Variants in ANXA6 observed in about 807,000 individuals in gnomAD.
ANXA6 encodes the protein 67 kDa calelectrin.
ANXA6 carries 71 observed loss-of-function variants against 95.4 expected under a neutral mutation model. That is an observed-to-expected ratio of 0.74 (90% CI 0.61 to 0.91). The LOEUF (loss-of-function observed/expected upper bound fraction) is 0.91, where lower values mean the gene tolerates loss of function less well. Among genes scored for constraint, ANXA6 ranks in the 40% least tolerant of loss-of-function variants. The pLI is 0.00. For missense variants in ANXA6, 830 were observed against 876.4 expected (o/e 0.95, Z 0.67); for synonymous variants, 289 against 315.9 (o/e 0.91, Z 0.90).
At chr5:151,120,534 T>A (rs2113913710) in intron 17 of ANXA6, among the ~76,000 whole-genome samples, 1 of 151,402 alleles carries the variant, frequency 6.6e-6, no homozygotes, top group Middle Eastern at 3.4e-3. Context: ...CTGGCAAACA[T>A]GGTGAAACCC....
At chr5:151,154,313 ATATATATATATATATATATT>A (rs1766180457) in intron 1 of ANXA6, among the ~76,000 whole-genome samples, 1 of 64,966 alleles carries the variant, frequency 1.5e-5, no homozygotes, top group African/African-American at 4.2e-5. Flanking sequence ...ATATATATAT[ATATATATATATATATATATT>A]GATCCCATAC....
At chr5:151,123,971 G>A (rs3792773) in intron 15 of ANXA6, among the ~76,000 whole-genome samples, 7,539 of 152,188 alleles carry the variant, frequency 0.05, 339 homozygotes, top group South Asian at 0.18. Context: ...AGAGTCACAC[G>A]GTGAGTCAGC....
chr5:151,125,681 G>A (rs945982452), intron 14 of ANXA6, among the ~76,000 whole-genome samples: 2 of 152,244 alleles, frequency 1.3e-5, no homozygotes, highest in East Asian at 1.9e-4. Context: ...GGAGTTCAGC[G>A]TTATTCAACC....
intron 1 of ANXA6, chr5:151,155,222 G>A (rs536648796): frequency 6.6e-6 from 1 of 152,262 alleles, no homozygotes; most frequent in African/African-American, 2.4e-5. Flanking sequence ...TTAAGGGTTC[G>A]AGAGGTAATA....
At chr5:151,122,587 C>T (rs1765200082) in intron 16 of ANXA6, among the ~76,000 whole-genome samples, 1 of 152,204 alleles carries the variant, frequency 6.6e-6, no homozygotes, top group African/African-American at 2.4e-5. Context: ...TCAGTTGGGG[C>T]CTTGAAGCCA....
chr5:151,151,766 A>C (rs1184405736), intron 1 of ANXA6, among the ~76,000 whole-genome samples: 1 of 152,188 alleles, frequency 6.6e-6, no homozygotes, highest in Non-Finnish European at 1.5e-5. Flanking sequence ...CCACCCGCCA[A>C]TATGCAACAT....
rs968915227 is a variant in ANXA6, at chr5:151,126,415, A to G, written c.1043T>C (p.Val348Ala). The G allele has an allele frequency of 3.7e-6, 6 of 1,609,930 alleles. No homozygotes were observed. Among genetic ancestry groups the G allele is most frequent in the Non-Finnish European group, 4.2e-6 (5 of 1,178,180 alleles). The part of the protein sequence containing the change: ...VAYQMWELSA[V>A]ARVELKGTVR... The stretch of plus-strand genomic sequence containing the variant: ...GGAAGGTCTGACCTCTACTCGGGCC[A>G]CTGCACTAAGTTCCCACATCTGATA... Residue 348 changes from valine (V) to alanine (A), a missense_variant, in exon 14 of 26, where the codon GTG becomes GCG. Coordinates refer to ENST00000354546, the MANE Select transcript of ANXA6 (RefSeq NM_001155.5).
rs112635269 is a variant in ANXA6, at chr5:151,108,246, A to G, written c.1780+209T>C. Among the ~76,000 whole-genome samples, 882 of 151,994 alleles carry G rather than the reference A, an allele frequency of 5.8e-3. 10 individuals carry two copies. Among genetic ancestry groups the G allele is most frequent in the African/African-American group, 0.019 (790 of 41,428 alleles). ...CCAGTCTTCCTGGTTCTTCCCTAGC[A>G]ACAGTTATTTTCTCACCCTCTCCTG... On this transcript the variant is annotated intron_variant, in intron 23 of 25. Transcript: ENST00000354546.
intron 16 of ANXA6, 56 bp downstream of exon 16, chr5:151,122,861 C>T (rs1366623150): frequency 6.6e-7 from 1 of 1,513,582 alleles, no homozygotes; most frequent in African/African-American, 1.4e-5. Flanking sequence ...ACAGGCTGAG[C>T]TCAATCAGGC....
In ANXA6 at chr5:151,119,382, G is replaced by A; in HGVS notation, c.1356C>T (p.Gly452=). The A allele has an allele frequency of 6.2e-7, 1 of 1,613,786 alleles. No homozygotes were observed. The highest frequency in any genetic ancestry group is 8.5e-7 in the Non-Finnish European group (1 of 1,179,798). Residue 452 remains glycine (G), a synonymous_variant, in exon 18 of 26, where the codon GGC becomes GGT. Coordinates refer to ENST00000354546, the MANE Select transcript of ANXA6 (RefSeq NM_001155.5). ...TTTCAATAAGAGCCTTTTCATCTGT[G>A]CCGGCTCCCTGGAATGTCAAGGCAA... ...KQLKKAMEGA[G]TDEKALIEIL... is the part of the protein sequence containing the mutation.
At position 151,105,427 on chromosome 5, in the gene ANXA6, C is replaced by T. The variant is rs1185261105; in HGVS notation, c.1781-124G>A. The T allele has an allele frequency of 3.7e-6, 3 of 817,786 alleles. No homozygotes were observed. In the African/African-American group the frequency reaches 5.1e-5, roughly 14 times the overall value. The allele number at this position is 817,786 out of a possible 1,614,324, so 50.7% of individuals were successfully genotyped here. A position where few individuals can be genotyped will look rare whatever the true frequency, so the allele number is the denominator to read the frequency against. ...CATGGGTCTGCAGATCATTGTCAAC[C>T]CCAGGGTCATGCTCAGACGACACCT... On this transcript the variant is annotated intron_variant, in intron 23 of 25. Transcript: ENST00000354546.
rs1297608935 is a variant in ANXA6 at position 151,124,274 on chromosome 5, C to T, written c.1138+12G>A. On this transcript the variant is annotated intron_variant, in intron 15 of 25. Coordinates refer to ENST00000354546, the MANE Select transcript of ANXA6 (RefSeq NM_001155.5). ...CTGGAGACCAACCCTGCTCCCTTCC[C>T]ATCCCCCATACCGAGTCCCTTCATG... 6.2e-7 allele frequency: 1 copy of T among 1,612,912 alleles called. No individual in the cohort carries two copies. The highest frequency in any genetic ancestry group is 8.5e-7 in the Non-Finnish European group (1 of 1,179,370).
At chr5:151,131,186 A>G (rs752069994) in intron 11 of ANXA6, 45 bp downstream of exon 11, 6 of 1,603,256 alleles carry the variant, frequency 3.7e-6, no homozygotes, top group Non-Finnish European at 5.1e-6. Flanking sequence ...AAGACTCCCA[A>G]TAGTCCTCTC....
chr5:151,124,539 G>GAA (rs200902877), intron 14 of ANXA6, among the ~76,000 whole-genome samples, 172 bp from the exon 15 acceptor site: 1 of 46,566 alleles, frequency 2.1e-5, no homozygotes, highest in Non-Finnish European at 3.9e-5. Flanking sequence ...CGAGAGCTGA[G>GAA]AGAGAGAGAG....
chr5:151,111,173 A>T lies in ANXA6; in HGVS notation c.1573-529T>A, dbSNP rs1230139171. ...CCTTAAGGGGAGCTGACCTGCCTGGAGGCACACAGCAAACAGTGATGGGAA... is the reference window on the plus strand; with the variant it reads ...CCTTAAGGGGAGCTGACCTGCCTGGTGGCACACAGCAAACAGTGATGGGAA... On this transcript the variant is annotated intron_variant, in intron 20 of 25. Transcript: ENST00000354546. Among the ~76,000 whole-genome samples, 3 of 152,230 alleles carry T rather than the reference A, an allele frequency of 2.0e-5. No homozygotes were observed. In the East Asian group the frequency reaches 5.8e-4, roughly 29 times the overall value.
At chr5:151,137,633 C>G (rs936299631) in intron 5 of ANXA6, among the ~76,000 whole-genome samples, 6 of 152,174 alleles carry the variant, frequency 3.9e-5, no homozygotes, top group Admixed American at 2.0e-4. Context: ...CTACTGTTCT[C>G]ACGATCGTAA....
rs921772470 is a variant in ANXA6 at position 151,134,114 on chromosome 5, G to A, written c.546+313C>T. 2.0e-5 allele frequency among the ~76,000 whole-genome samples: 3 copies of A among 152,144 alleles called. No individual in the cohort carries two copies. The South Asian group carries it at 6.2e-4, about 32-fold the overall frequency. On this transcript the variant is annotated intron_variant, in intron 8 of 25. Coordinates refer to ENST00000354546, the MANE Select transcript of ANXA6 (RefSeq NM_001155.5). ...GTACCACTTGATTTTGTTCATTAGT[G>A]ATTTCTAAATGCTTGGCAGAGTGCC...
At chr5:151,156,393 C>T (rs560844799) in intron 1 of ANXA6, among the ~76,000 whole-genome samples, 1 of 152,338 alleles carries the variant, frequency 6.6e-6, no homozygotes, top group South Asian at 2.1e-4. Flanking sequence ...CAGGCCAGTG[C>T]CCTCGGCGTG....
intron 20 of ANXA6, among the ~76,000 whole-genome samples, chr5:151,116,560 A>C (rs1765004720): frequency 6.6e-6 from 1 of 152,216 alleles, no homozygotes; most frequent in Non-Finnish European, 1.5e-5. Context: ...ACTCCTAGAG[A>C]ACCCTTTTCC....
Sources: gnomAD v4.1 joint callset for allele counts (sites outside exome capture counted in the v4.1 genomes callset) on GRCh38, gnomAD v4.1.1 for gene constraint, MANE v1.5 for transcripts, NCBI Gene and HGNC (gene_info 2026-07-23, HGNC 2026-07-21) for gene names.